The following KIAA1549L variants were observed in gnomAD, a reference collection of about 807,000 sequenced individuals.
The protein encoded by KIAA1549L is KIAA1549 like, also known as UPF0606 protein KIAA1549L.
In KIAA1549L, 88 loss-of-function variants were observed where a neutral mutation model predicts 160.7. The ratio of observed to expected loss-of-function variants is 0.55; its 90% CI spans 0.46 to 0.65. The LOEUF is 0.65. Among genes scored for constraint, KIAA1549L ranks in the 30% least tolerant of loss-of-function variants. The pLI is 0.00. For missense variants in KIAA1549L, 2,258 were observed against 2,437.5 expected (o/e 0.93, Z 1.55); for synonymous variants, 950 against 976.7 (o/e 0.97, Z 0.51).
chr11:33,653,531 A>T (rs1285298774), intron 17 of KIAA1549L, among the ~76,000 whole-genome samples: 2 of 152,008 alleles, frequency 1.3e-5, no homozygotes, highest in African/African-American at 2.4e-5. Flanking sequence ...TGCTTTTAAG[A>T]TCTCTTTGCC....
At chr11:33,385,757 T>C (rs189202885) in intron 1 of KIAA1549L, among the ~76,000 whole-genome samples, 2 of 152,064 alleles carry the variant, frequency 1.3e-5, no homozygotes, top group African/African-American at 2.4e-5. Flanking sequence ...TTTTTTTTTT[T>C]AATCCGTGAA....
intron 1 of KIAA1549L, among the ~76,000 whole-genome samples, chr11:33,461,083 A>T (rs1851932051): frequency 6.6e-6 from 1 of 152,040 alleles, no homozygotes; most frequent in Non-Finnish European, 1.5e-5. Flanking sequence ...GGGTTGGTTT[A>T]TATATATGTA....
intron 5 of KIAA1549L, 33 bp downstream of exon 5, chr11:33,551,292 A>C: frequency 6.3e-7 from 1 of 1,580,948 alleles, no homozygotes; most frequent in Non-Finnish European, 8.7e-7. Context: ...ATTTTCATCC[A>C]TTCTTGGGTT....
chr11:33,614,531 G>GCTACATATATATAT (rs879500574), intron 15 of KIAA1549L, among the ~76,000 whole-genome samples: 10 of 27,104 alleles, frequency 3.7e-4, no homozygotes, highest in Non-Finnish European at 6.6e-4. Flanking sequence ...AGTGTAACAA[G>GCTACATATATATAT]ATATATATAT....
Position 33,646,055 on chromosome 11 carries a change from C to T in KIAA1549L, c.5760+19C>T. On this transcript the variant is annotated intron_variant, in intron 17 of 20. Coordinates refer to ENST00000658780, the MANE Select transcript of KIAA1549L (RefSeq NM_012194.3). ...CCGGCCGGTAAGTCATTCATTCCAC[C>T]CACCTGCCATCATCTGGTCAGTCTG... 1 of 1,517,836 alleles carries T rather than the reference C, an allele frequency of 6.6e-7. No individual in the cohort carries two copies. Among genetic ancestry groups the T allele is most frequent in the Non-Finnish European group, 8.9e-7 (1 of 1,121,972 alleles). The allele number at this position is 1,517,836 out of a possible 1,614,324, so 94.0% of individuals were successfully genotyped here.
chr11:33,463,931 C>A (rs1002253613), intron 1 of KIAA1549L, among the ~76,000 whole-genome samples: 2 of 152,174 alleles, frequency 1.3e-5, no homozygotes, highest in Non-Finnish European at 1.5e-5. Context: ...TTCTGGAGCA[C>A]CCTGCTGGTA....
chr11:33,388,780 C>T (rs1486939131), intron 1 of KIAA1549L, among the ~76,000 whole-genome samples: 1 of 152,224 alleles, frequency 6.6e-6, no homozygotes, highest in Non-Finnish European at 1.5e-5. Flanking sequence ...TTAGACGGTT[C>T]TGCCCATTTT....
chr11:33,638,244 C>T lies in KIAA1549L; in HGVS notation c.5410-7442C>T, dbSNP rs118008578. Among the ~76,000 whole-genome samples, 354 of 152,202 alleles carry T rather than the reference C, an allele frequency of 2.3e-3. 4 individuals carry two copies. Among genetic ancestry groups the T allele is most frequent in the Non-Finnish European group, 3.3e-3 (222 of 68,000 alleles). ...TTTCATCACTCCCAGAAAACTCCCT[C>T]ACTTTTTTTTTCAGTCAATATTCAG... On this transcript the variant is annotated intron_variant, in intron 16 of 20. Transcript: ENST00000658780.
chr11:33,529,827 GTACTC>G (rs979445107), intron 1 of KIAA1549L, among the ~76,000 whole-genome samples: 7 of 152,224 alleles, frequency 4.6e-5, no homozygotes, highest in African/African-American at 1.7e-4. Flanking sequence ...AAAGGGAAAA[GTACTC>G]TAATAGAGCT....
rs1413448159 is a variant in KIAA1549L at position 33,583,362 on chromosome 11, A to G, written c.4427A>G (p.Asn1476Ser). 3 of 1,605,922 alleles carry G rather than the reference A, an allele frequency of 1.9e-6. No homozygotes were observed. The South Asian group carries it at 3.4e-5, about 18-fold the overall frequency. Residue 1476 changes from asparagine to serine, a missense_variant, in exon 11 of 21, where the codon AAC (asparagine) becomes AGC (serine). By Grantham distance (46) the Asn-to-Ser change is conservative. Around this residue, in one of 6 missense-constraint regions of KIAA1549L, gnomAD observed 1,359 missense variants for 1,546.6 expected, o/e 0.88. Coordinates refer to ENST00000658780, the MANE Select transcript of KIAA1549L (RefSeq NM_012194.3). ...GCCGTGGTGAAGAACCCGCCCAATA[A>G]CCTGTGGATCATCGCTGCAGTGCTG... Reference protein sequence around the residue: ...ADPVVKNPPNNLWIIAAVLAP... With the variant: ...ADPVVKNPPNSLWIIAAVLAP...
chr11:33,618,875 G>A lies in KIAA1549L; in HGVS notation c.5409+213G>A, dbSNP rs77722422. Among the ~76,000 whole-genome samples the A allele has an allele frequency of 0.012, 1,788 of 152,274 alleles. 127 individuals are homozygous for A. The East Asian group carries it at 0.18, about 15-fold the overall frequency. On this transcript the variant is annotated intron_variant, in intron 16 of 20. Coordinates refer to ENST00000658780, the MANE Select transcript of KIAA1549L (RefSeq NM_012194.3). Reference sequence around the variant, plus strand: ...TATTGCTAAAAGGATCACGATTTCCGAATTGTGCCATGTTATGAATAGCAC... The same window carrying A: ...TATTGCTAAAAGGATCACGATTTCCAAATTGTGCCATGTTATGAATAGCAC...
chr11:33,554,531 G>A (rs945503719), intron 6 of KIAA1549L, among the ~76,000 whole-genome samples: 5 of 152,288 alleles, frequency 3.3e-5, no homozygotes, highest in African/African-American at 9.6e-5. Flanking sequence ...TGCTCTGCAC[G>A]GGCATTGTCC....
At chr11:33,413,033 A>G (rs1031273212) in intron 1 of KIAA1549L, among the ~76,000 whole-genome samples, 3 of 152,170 alleles carry the variant, frequency 2.0e-5, no homozygotes, top group Non-Finnish European at 4.4e-5. Flanking sequence ...AAGAGGGAAT[A>G]TGAATAAAAT....
chr11:33,628,892 A>G (rs1033439861), intron 16 of KIAA1549L, among the ~76,000 whole-genome samples: 1 of 151,672 alleles, frequency 6.6e-6, no homozygotes, highest in Non-Finnish European at 1.5e-5. Context: ...GATGGTCCTT[A>G]CATTTTGGCA....
At chr11:33,611,635 C>T (rs1374073051) in intron 15 of KIAA1549L, among the ~76,000 whole-genome samples, 1 of 152,014 alleles carries the variant, frequency 6.6e-6, no homozygotes, top group Non-Finnish European at 1.5e-5. Context: ...CTGATTGGTT[C>T]TTTAGCTTTT....
intron 6 of KIAA1549L, among the ~76,000 whole-genome samples, chr11:33,554,300 G>A (rs892752647): frequency 2.6e-5 from 4 of 152,198 alleles, no homozygotes; most frequent in Admixed American, 2.0e-4. Flanking sequence ...TTGAAAAATC[G>A]ACTTAACAAC....
chr11:33,530,468 T>G (rs867302934), intron 1 of KIAA1549L, among the ~76,000 whole-genome samples: 1 of 83,852 alleles, frequency 1.2e-5, no homozygotes, highest in African/African-American at 4.2e-5. Context: ...TATATATATA[T>G]ATATATATAT....
At chr11:33,483,529 G>A (rs1012124120) in intron 1 of KIAA1549L, among the ~76,000 whole-genome samples, 2 of 152,086 alleles carry the variant, frequency 1.3e-5, no homozygotes, top group African/African-American at 2.4e-5. Flanking sequence ...TGGCAGGCAC[G>A]AGGCAAGGCA....
At chr11:33,651,716 G>A (rs557545790) in intron 17 of KIAA1549L, among the ~76,000 whole-genome samples, 1 of 152,202 alleles carries the variant, frequency 6.6e-6, no homozygotes, top group African/African-American at 2.4e-5. Context: ...GAAGAGACCA[G>A]CATGCACTGG....
Sources: gnomAD v4.1 joint callset for allele counts (sites outside exome capture counted in the v4.1 genomes callset) on GRCh38, gnomAD v4.1.1 for gene constraint, gnomAD v4.1.1 regional missense constraint, MANE v1.5 for transcripts, NCBI Gene and HGNC (gene_info 2026-07-23, HGNC 2026-07-21) for gene names.